GRHL2: variants seen among roughly 807,000 people sequenced by gnomAD.
GRHL2 encodes grainyhead-like protein 2 homolog.
GRHL2 carries 21 observed loss-of-function variants against 83.8 expected under a neutral mutation model. That is an observed-to-expected ratio of 0.25 (90% CI 0.18 to 0.36). GRHL2 has a LOEUF of 0.36. Among genes scored for constraint, GRHL2 ranks in the 10% least tolerant of loss-of-function variants. The pLI is 1.00. For missense variants in GRHL2, 623 were observed against 781.8 expected (o/e 0.80, Z 2.42); for synonymous variants, 280 against 278.9 (o/e 1.00, Z -0.04).
At chr8:101,565,759 T>C (rs565468022) in intron 4 of GRHL2, among the ~76,000 whole-genome samples, 5 of 152,320 alleles carry the variant, frequency 3.3e-5, no homozygotes, top group Non-Finnish European at 5.9e-5. Context: ...AATTCTCCCA[T>C]TAGTCCTCCC....
At chr8:101,585,139 C>T (rs912964450) in intron 7 of GRHL2, among the ~76,000 whole-genome samples, 1 of 152,218 alleles carries the variant, frequency 6.6e-6, no homozygotes, top group South Asian at 2.1e-4. Flanking sequence ...GCCTGGGAGA[C>T]AAGAGCACCA....
rs545991494 is a variant in GRHL2 at position 101,521,012 on chromosome 8, T to C, written c.21-22229T>C. 5.3e-5 allele frequency among the ~76,000 whole-genome samples: 8 copies of C among 152,342 alleles called. No individual in the cohort carries two copies. In the South Asian group the frequency reaches 1.4e-3, roughly 28 times the overall value. Reference sequence around the variant, plus strand: ...TTAGATCCTCCATCAGTCTGAGTTCTTCGTGATGAATAATCTAAGATAGGA... The same window carrying C: ...TTAGATCCTCCATCAGTCTGAGTTCCTCGTGATGAATAATCTAAGATAGGA... On this transcript the variant is annotated intron_variant, in intron 1 of 15. Transcript: ENST00000646743.
At chr8:101,498,281 G>A (rs1270181646) in intron 1 of GRHL2, among the ~76,000 whole-genome samples, 2 of 152,086 alleles carry the variant, frequency 1.3e-5, no homozygotes, top group Non-Finnish European at 2.9e-5. Context: ...GCCACGCTCG[G>A]CTGATTTTTT....
chr8:101,670,337 C>T (rs1447570729), downstream of GRHL2, among the ~76,000 whole-genome samples: 1 of 152,266 alleles, frequency 6.6e-6, no homozygotes, highest in Non-Finnish European at 1.5e-5. Context: ...AGTAGCATTT[C>T]TACATTCTTC....
intron 14 of GRHL2, among the ~76,000 whole-genome samples, chr8:101,651,930 G>T (rs1024434309): frequency 6.6e-6 from 1 of 152,214 alleles, no homozygotes; most frequent in African/African-American, 2.4e-5. Context: ...TGCAAGAGAA[G>T]TTCCTCCAGG....
chr8:101,501,991 G>T (rs979024479), intron 1 of GRHL2, among the ~76,000 whole-genome samples: 1 of 150,560 alleles, frequency 6.6e-6, no homozygotes, highest in African/African-American at 2.5e-5. Flanking sequence ...TACCATTACT[G>T]GGGAGTTAAA....
intron 7 of GRHL2, among the ~76,000 whole-genome samples, chr8:101,591,076 G>GA (rs1812270786): frequency 1.3e-5 from 2 of 152,150 alleles, no homozygotes; most frequent in African/African-American, 4.8e-5. Flanking sequence ...AGAAAGCTCA[G>GA]CCTACAGAAG....
chr8:101,659,292 G>A (rs78505319), intron 14 of GRHL2, among the ~76,000 whole-genome samples: 3,377 of 152,280 alleles, frequency 0.022, 131 homozygotes, highest in African/African-American at 0.076. Context: ...ATGTTACTTT[G>A]TGTTCATACT....
chr8:101,542,893 C>T, intron 1 of GRHL2: 1 of 458,522 alleles, frequency 2.2e-6, no homozygotes, highest in South Asian at 1.6e-5. Flanking sequence ...CCATTCATGA[C>T]CTAAACACCT....
rs1288138773 is a variant in GRHL2, at chr8:101,652,361, G to C, written c.1698+2862G>C. On this transcript the variant is annotated intron_variant, in intron 14 of 15. Transcript: ENST00000646743. ...TGTGTATGTGTGTGGTGTGTGTGGT[G>C]TGTGTGTGTCTGATGTGTGTGTGGT... 7.7e-3 allele frequency among the ~76,000 whole-genome samples: 401 copies of C among 52,364 alleles called. 4 individuals are homozygous for C. Among genetic ancestry groups the C allele is most frequent in the African/African-American group, 0.051 (356 of 7,042 alleles). The allele number at this position is 52,364 out of a possible 152,430, so 34.4% of individuals were successfully genotyped here. A position where few individuals can be genotyped will look rare whatever the true frequency, so the allele number is the denominator to read the frequency against.
chr8:101,620,699 C>T (rs964357041), intron 9 of GRHL2, among the ~76,000 whole-genome samples: 4 of 152,172 alleles, frequency 2.6e-5, no homozygotes, highest in Middle Eastern at 6.8e-3. Context: ...GTAATGGGGC[C>T]ACCTGATAGC....
At chr8:101,594,638 A>G (rs1812354931) in intron 7 of GRHL2, among the ~76,000 whole-genome samples, 1 of 152,280 alleles carries the variant, frequency 6.6e-6, no homozygotes, top group Non-Finnish European at 1.5e-5. Flanking sequence ...CTATTGTACC[A>G]CCTGTGGAGA....
Position 101,558,429 on chromosome 8 carries a change from G to A in GRHL2, c.295G>A (p.Gly99Ser), listed in dbSNP as rs575214822. Reference protein sequence around the residue: ...QEDQEKRNCLGTSEAQSNLSG... With the variant: ...QEDQEKRNCLSTSEAQSNLSG... ...GGTTTCAACACACAGAAACTGCCTTGGCACCAGTGAAGCCCAGAGTAATTT... is the reference window on the plus strand; with the variant it reads ...GGTTTCAACACACAGAAACTGCCTTAGCACCAGTGAAGCCCAGAGTAATTT... Residue 99 changes from glycine (G) to serine (S), a missense_variant, in exon 4 of 16, where the codon GGC becomes AGC. Gly to Ser is a moderately conservative substitution (Grantham distance 56). Around this residue, in one of 8 missense-constraint regions of GRHL2, gnomAD observed 239 missense variants for 240.5 expected, o/e 0.99. Transcript: ENST00000646743. 1.2e-6 allele frequency: 2 copies of A among 1,614,074 alleles called. No individual in the cohort carries two copies. Among genetic ancestry groups the A allele is most frequent in the East Asian group, 4.5e-5 (2 of 44,878 alleles).
chr8:101,566,997 A>C (rs961530021), intron 4 of GRHL2, among the ~76,000 whole-genome samples: 3 of 152,182 alleles, frequency 2.0e-5, no homozygotes, highest in Non-Finnish European at 4.4e-5. Flanking sequence ...ATATTTATTG[A>C]AAGAGTGAAT....
At position 101,644,183 on chromosome 8, in the gene GRHL2, C is replaced by T; in HGVS notation, c.1570C>T (p.Pro524Ser). The change falls in exon 13 of 16, where the codon CCA becomes TCA. Residue 524 changes from proline to serine, a missense_variant. Around this residue, in one of 8 missense-constraint regions of GRHL2, gnomAD observed 210 missense variants for 254.8 expected, o/e 0.82. Coordinates refer to ENST00000646743, the MANE Select transcript of GRHL2 (RefSeq NM_024915.4). ...CCGGCCCATGGAAGAGGAGTTTGGT[C>T]CAGTGCCTTCAAAGCAGATGAAAGA... ...MFRPMEEEFG[P>S]VPSKQMKEEG... The T allele has an allele frequency of 6.2e-7, 1 of 1,614,114 alleles. No homozygotes were observed. Among genetic ancestry groups the T allele is most frequent in the Non-Finnish European group, 8.5e-7 (1 of 1,179,980 alleles).
intron 1 of GRHL2, among the ~76,000 whole-genome samples, chr8:101,509,209 T>TTGTGTGTG (rs59898617): frequency 0.045 from 2,361 of 52,496 alleles, 71 homozygotes; most frequent in East Asian, 0.07. Flanking sequence ...TTCTTTCTTC[T>TTGTGTGTG]TGTGTGTGTG....
chr8:101,646,253 A>G (rs2129678997), intron 13 of GRHL2, among the ~76,000 whole-genome samples: 1 of 152,360 alleles, frequency 6.6e-6, no homozygotes, highest in South Asian at 2.1e-4. Flanking sequence ...GCTTTTCTAT[A>G]GAGTCAGGGC....
chr8:101,509,048 G>C (rs1251318903), intron 1 of GRHL2, among the ~76,000 whole-genome samples: 1 of 151,376 alleles, frequency 6.6e-6, no homozygotes, highest in Non-Finnish European at 1.5e-5. Context: ...CATTTCTCAG[G>C]CTTGGTCAGG....
intron 14 of GRHL2, among the ~76,000 whole-genome samples, chr8:101,652,514 TGTGTGTG>T (rs1255237024): frequency 2.5e-4 from 12 of 47,940 alleles, no homozygotes; most frequent in Admixed American, 6.1e-4. Flanking sequence ...GTGTGTGGTG[TGTGTGTG>T]GTGTGTGTGT....
Sources: allele counts gnomAD v4.1 joint callset (sites outside exome capture counted in the v4.1 genomes callset), GRCh38; gene constraint gnomAD v4.1.1; regional missense constraint gnomAD v4.1.1; transcripts MANE v1.5; gene names NCBI Gene and HGNC (gene_info 2026-07-23, HGNC 2026-07-21).